ISM1: variants seen among roughly 807,000 people sequenced by gnomAD.
ISM1 encodes isthmin 1.
Under a neutral mutation model 46.3 loss-of-function variants are expected in ISM1, and 25 were observed. The ratio of observed to expected loss-of-function variants is 0.54; its 90% CI spans 0.39 to 0.75. The LOEUF is 0.75. ISM1 is among the 30% of genes least tolerant of loss of function. The probability of loss-of-function intolerance (pLI) is 0.00; values close to 1 mark genes in which losing one functional copy is unlikely to be tolerated. For synonymous variants in ISM1, 255 were observed against 256.7 expected, an observed-to-expected ratio of 0.99 and a Z score of 0.06; for missense variants, 536 against 625.4, an observed-to-expected ratio of 0.86 and a Z score of 1.52.
intron 1 of ISM1, among the ~76,000 whole-genome samples, chr20:13,236,662 C>G (rs539578254): frequency 3.5e-4 from 53 of 152,264 alleles, no homozygotes; most frequent in Non-Finnish European, 4.9e-4. Context: ...TTCCTAGATA[C>G]AATGGGGGTA....
intron 1 of ISM1, among the ~76,000 whole-genome samples, chr20:13,225,900 A>G (rs1419738246): frequency 6.6e-6 from 1 of 152,216 alleles, no homozygotes; most frequent in African/African-American, 2.4e-5. Context: ...ATAGATATAT[A>G]ATAAAAGTCA....
Position 13,270,552 on chromosome 20 carries a change from C to T in ISM1, c.187C>T (p.Leu63Phe). 1 of 1,613,926 alleles carries T rather than the reference C, an allele frequency of 6.2e-7. No homozygotes were observed. Among genetic ancestry groups the T allele is most frequent in the Non-Finnish European group, 8.5e-7 (1 of 1,179,844 alleles). Residue 63 changes from leucine (L) to phenylalanine (F), a missense_variant, in exon 2 of 6, where the codon CTC becomes TTC. By Grantham distance (22) the Leu-to-Phe change is conservative (BLOSUM62 0). Around this residue, in one of 2 missense-constraint regions of ISM1, gnomAD observed 367 missense variants for 376.1 expected, o/e 0.98. Coordinates refer to ENST00000262487, the MANE Select transcript of ISM1 (RefSeq NM_080826.2). ...SDTTSETSFS[L>F]SKEAPREHLD... ...CACCACATCAGAAACCAGCTTTTCT[C>T]TCTCCAAAGAAGCACCAAGGGAGCA...
rs1374814072 is a variant in ISM1, at chr20:13,221,765, C to G, written c.-12C>G. 1.4e-6 allele frequency: 2 copies of G among 1,430,788 alleles called. No homozygotes were observed. The highest frequency in any genetic ancestry group is 1.5e-5 in the African/African-American group (1 of 67,310). The allele number at this position is 1,430,788 out of a possible 1,614,324, so 88.6% of individuals were successfully genotyped here. A position where few individuals can be genotyped will look rare whatever the true frequency, so the allele number is the denominator to read the frequency against. On this transcript the variant is annotated 5_prime_UTR_variant, in exon 1 of 6. Transcript: ENST00000262487. ...CGCCGCGCCGGGTCCTAAAGCCGCG[C>G]GTCTCAAAAGGATGGTGCGCCTGGC... is the stretch of plus-strand genomic sequence containing the variant.
At chr20:13,270,385 T>C (rs2040097695) in intron 1 of ISM1, 119 bp from the exon 2 acceptor site, 2 of 1,145,534 alleles carry the variant, frequency 1.7e-6, no homozygotes, top group Non-Finnish European at 2.4e-6. Context: ...TGGAATGCCC[T>C]ACTGGCTTAA....
chr20:13,326,230 G>C, the ISM1 span, among the ~76,000 whole-genome samples: 1 of 152,144 alleles, frequency 6.6e-6, no homozygotes, highest in Non-Finnish European at 1.5e-5. Flanking sequence ...GGATATTTAA[G>C]TTGTTTGTAA....
chr20:13,310,129 C>T, the ISM1 span, among the ~76,000 whole-genome samples: 1 of 152,012 alleles, frequency 6.6e-6, no homozygotes, highest in Non-Finnish European at 1.5e-5. Flanking sequence ...TACTAAATAG[C>T]CAAAGCAATC....
At chr20:13,322,758 A>G in the ISM1 span, among the ~76,000 whole-genome samples, 54 of 152,222 alleles carry the variant, frequency 3.5e-4, no homozygotes, top group African/African-American at 1.3e-3. Context: ...ATCTAATCAG[A>G]CAGTCTACTC....
At chr20:13,240,982 G>C (rs151291785) in intron 1 of ISM1, among the ~76,000 whole-genome samples, 1 of 152,326 alleles carries the variant, frequency 6.6e-6, no homozygotes, top group Admixed American at 6.5e-5. Flanking sequence ...AGTGGACAGG[G>C]AGCTGAGAGT....
chr20:13,325,505 TA>T, the ISM1 span, among the ~76,000 whole-genome samples: 17,344 of 152,158 alleles, frequency 0.11, 1,156 homozygotes, highest in Admixed American at 0.18. Context: ...GGAAAGGTGA[TA>T]GGGGGATTAT....
rs1445870707 is a variant in ISM1 at position 13,274,681 on chromosome 20, G to A, written c.378+3938G>A. 1.4e-4 allele frequency among the ~76,000 whole-genome samples: 8 copies of A among 59,144 alleles called. No individual in the cohort carries two copies. The East Asian group carries it at 3.2e-3, about 23-fold the overall frequency. The allele number at this position is 59,144 out of a possible 152,430, so 38.8% of individuals were successfully genotyped here. Reference sequence around the variant, plus strand: ...CCTCTCCACTCCCCGCCCCCCCCGCGCCCGGCCCCCGGGCCTCTTGACTTT... The same window carrying A: ...CCTCTCCACTCCCCGCCCCCCCCGCACCCGGCCCCCGGGCCTCTTGACTTT... On this transcript the variant is annotated intron_variant, in intron 2 of 5. Transcript: ENST00000262487.
intron 1 of ISM1, among the ~76,000 whole-genome samples, chr20:13,259,386 G>T (rs1312790331): frequency 1.3e-5 from 2 of 151,948 alleles, no homozygotes; most frequent in Non-Finnish European, 2.9e-5. Context: ...CATTTTATAT[G>T]GATACAAGCA....
At chr20:13,252,430 A>G (rs1172671553) in intron 1 of ISM1, among the ~76,000 whole-genome samples, 1 of 152,164 alleles carries the variant, frequency 6.6e-6, no homozygotes, top group Non-Finnish European at 1.5e-5. Flanking sequence ...AGGCTTTTGC[A>G]GCATCAGAGA....
chr20:13,314,281 TAATGAGTGGGATAATG>T, the ISM1 span, among the ~76,000 whole-genome samples: 1 of 151,836 alleles, frequency 6.6e-6, no homozygotes, highest in African/African-American at 2.4e-5. Flanking sequence ...GTTCAGAGAA[TAATGAGTGGGATAATG>T]CCAAAAAGAA....
chr20:13,309,142 A>G, the ISM1 span, among the ~76,000 whole-genome samples: 2 of 152,228 alleles, frequency 1.3e-5, no homozygotes, highest in African/African-American at 2.4e-5. Flanking sequence ...GCTACATTAT[A>G]TCTGGACACC....
At chr20:13,250,354 C>T (rs577869751) in intron 1 of ISM1, among the ~76,000 whole-genome samples, 1 of 152,112 alleles carries the variant, frequency 6.6e-6, no homozygotes, top group African/African-American at 2.4e-5. Flanking sequence ...GGCTCAGAGT[C>T]GATTCAGCTT....
At position 13,270,742 on chromosome 20, in the gene ISM1, A is replaced by T. The variant is rs2040104872; in HGVS notation, c.377A>T (p.Gln126Leu). ...ADINGQNPNI[Q>L]VTIEVVDGPD... ...ATCAATGGGCAGAATCCAAATATCC[A>T]GGTAATTCTTGGCACCTGGAAGATG... is the stretch of plus-strand genomic sequence containing the variant. The change falls in exon 2 of 6, where the codon CAG (glutamine) becomes CTG (leucine). Residue 126 changes from glutamine (Q) to leucine (L), a missense_variant and splice_region_variant. Physicochemically the swap from Gln to Leu is moderately radical, Grantham distance 113. Coordinates refer to ENST00000262487, the MANE Select transcript of ISM1 (RefSeq NM_080826.2). 1 of 1,613,166 alleles carries T rather than the reference A, an allele frequency of 6.2e-7. No individual in the cohort carries two copies. Among genetic ancestry groups the T allele is most frequent in the African/African-American group, 1.3e-5 (1 of 74,932 alleles).
the ISM1 span, among the ~76,000 whole-genome samples, chr20:13,315,604 C>T: frequency 6.6e-6 from 1 of 151,846 alleles, no homozygotes; most frequent in African/African-American, 2.4e-5. Flanking sequence ...TTCAATACCC[C>T]AACATCCCTC....
chr20:13,221,306 G>T lies in ISM1; in HGVS notation c.-471G>T, dbSNP rs1198000073. On this transcript the variant is annotated 5_prime_UTR_variant, in exon 1 of 6. Coordinates refer to ENST00000262487, the MANE Select transcript of ISM1 (RefSeq NM_080826.2). The stretch of plus-strand genomic sequence containing the variant: ...TCCTCCCCGCGCTTCTCTGGCGGCC[G>T]CTCCCGCTCCAGCTGCGGCGCCGCG... Among the ~76,000 whole-genome samples the T allele has an allele frequency of 7.0e-6, 1 of 143,558 alleles. No individual in the cohort carries two copies. The highest frequency in any genetic ancestry group is 2.5e-5 in the African/African-American group (1 of 39,232). The allele number at this position is 143,558 out of a possible 152,430, so 94.2% of individuals were successfully genotyped here.
intron 5 of ISM1, among the ~76,000 whole-genome samples, chr20:13,294,257 G>A (rs2040384950): frequency 6.6e-6 from 1 of 152,168 alleles, no homozygotes; most frequent in African/African-American, 2.4e-5. Context: ...GAGCCAAATT[G>A]GATGCAGTTT....
Sources: gnomAD v4.1 joint callset for allele counts (sites outside exome capture counted in the v4.1 genomes callset) on GRCh38, gnomAD v4.1.1 for gene constraint, gnomAD v4.1.1 regional missense constraint, MANE v1.5 for transcripts, NCBI Gene and HGNC (gene_info 2026-07-23, HGNC 2026-07-21) for gene names.